The following SUCLG2 variants were observed in gnomAD, a reference collection of about 807,000 sequenced individuals.
SUCLG2 encodes succinate-CoA ligase GDP-forming subunit beta.
In SUCLG2, 42 loss-of-function variants were observed where a neutral mutation model predicts 47.9. The ratio of observed to expected loss-of-function variants is 0.88; its 90% CI spans 0.69 to 1.14. SUCLG2 has a LOEUF of 1.14. Among genes scored for constraint, SUCLG2 ranks in the 50% most tolerant of loss-of-function variants. The probability of loss-of-function intolerance (pLI) is 0.00; values close to 1 mark genes in which losing one functional copy is unlikely to be tolerated. For synonymous variants in SUCLG2, 195 were observed against 197.3 expected (o/e 0.99, Z 0.10); for missense variants, 571 against 525.9 (o/e 1.09, Z -0.84).
At chr3:67,391,838 G>A (rs978313980) in intron 10 of SUCLG2, among the ~76,000 whole-genome samples, 1 of 152,112 alleles carries the variant, frequency 6.6e-6, no homozygotes, top group Non-Finnish European at 1.5e-5. Context: ...TCTCTCCGCT[G>A]CTCGTTTCCA....
intron 7 of SUCLG2, among the ~76,000 whole-genome samples, chr3:67,507,744 ACAT>A (rs1229499796): frequency 6.6e-6 from 1 of 152,224 alleles, no homozygotes; most frequent in Non-Finnish European, 1.5e-5. Context: ...ATGTGTTTAC[ACAT>A]AATGATTCAC....
chr3:67,586,213 C>G (rs1472609656), intron 2 of SUCLG2, among the ~76,000 whole-genome samples: 1 of 152,122 alleles, frequency 6.6e-6, no homozygotes, highest in Non-Finnish European at 1.5e-5. Context: ...TCAATGATTT[C>G]CGCAGAGATC....
At position 67,375,796 on chromosome 3, in the gene SUCLG2, A is replaced by G; in HGVS notation, c.1247T>C (p.Ile416Thr). 2 of 1,613,968 alleles carry G rather than the reference A, an allele frequency of 1.2e-6. No homozygotes were observed. Among genetic ancestry groups the G allele is most frequent in the Non-Finnish European group, 1.7e-6 (2 of 1,179,920 alleles). Residue 416 changes from isoleucine (I) to threonine (T), a missense_variant, in exon 11 of 11, where the codon ATT (isoleucine) becomes ACT (threonine). Physicochemically the swap from Ile to Thr is moderately conservative, Grantham distance 89. Coordinates refer to ENST00000307227, the MANE Select transcript of SUCLG2 (RefSeq NM_003848.4). ...NNSGLPITSA[I>T]DLEDAAKKAV... ...CTTCTTGGCTGCATCCTCCAGGTCAATGGCTGAAGTAATGGGGAGTCCGCT... is the reference window on the plus strand; with the variant it reads ...CTTCTTGGCTGCATCCTCCAGGTCAGTGGCTGAAGTAATGGGGAGTCCGCT...
intron 10 of SUCLG2, among the ~76,000 whole-genome samples, chr3:67,380,946 G>A (rs370180527): frequency 5.0e-4 from 76 of 152,202 alleles, no homozygotes; most frequent in African/African-American, 1.6e-3. Flanking sequence ...TGCCCTTGTC[G>A]TTAACTACCA....
intron 4 of SUCLG2, among the ~76,000 whole-genome samples, chr3:67,524,921 T>G (rs1327243140): frequency 6.6e-6 from 1 of 152,046 alleles, no homozygotes; most frequent in Non-Finnish European, 1.5e-5. Flanking sequence ...CAAATAAATC[T>G]CCAGGCTCAC....
Position 67,520,592 on chromosome 3 carries a change from G to C in SUCLG2, c.460C>G (p.Leu154Val). ...EALDISRETY[L>V]AILMDRSCNG... ...CAGGACCGGTCCATCAGAATTGCCA[G>C]GTAGGTTTCTCTGGAAATATCCAAG... Residue 154 changes from leucine to valine, a missense_variant, in exon 5 of 11, where the codon CTG becomes GTG. Leu to Val is a conservative substitution (Grantham distance 32). Coordinates refer to ENST00000307227, the MANE Select transcript of SUCLG2 (RefSeq NM_003848.4). 5 of 1,613,696 alleles carry C rather than the reference G, an allele frequency of 3.1e-6. No individual in the cohort carries two copies. Among genetic ancestry groups the C allele is most frequent in the Non-Finnish European group, 4.2e-6 (5 of 1,179,834 alleles).
intron 1 of SUCLG2, among the ~76,000 whole-genome samples, chr3:67,616,422 A>G (rs768803821): frequency 1.3e-4 from 20 of 152,212 alleles, no homozygotes; most frequent in Non-Finnish European, 2.6e-4. Flanking sequence ...AATAATGTGT[A>G]TCTTCTAAGG....
At chr3:67,613,705 A>G (rs530964572) in intron 1 of SUCLG2, among the ~76,000 whole-genome samples, 8 of 152,318 alleles carry the variant, frequency 5.3e-5, no homozygotes, top group Admixed American at 2.0e-4. Flanking sequence ...TTTTTGCCCA[A>G]TTGGCTTTAC....
intron 9 of SUCLG2, among the ~76,000 whole-genome samples, chr3:67,482,883 T>C (rs1228920884): frequency 6.6e-6 from 1 of 152,216 alleles, no homozygotes; most frequent in Non-Finnish European, 1.5e-5. Context: ...CTTTCAGTAT[T>C]AGAGCAGACA....
At chr3:67,396,311 T>C (rs1228309633) in intron 10 of SUCLG2, among the ~76,000 whole-genome samples, 6 of 151,842 alleles carry the variant, frequency 4.0e-5, no homozygotes, top group Admixed American at 6.6e-5. Context: ...AGGAATCAAA[T>C]AGACGCAATA....
intron 10 of SUCLG2, among the ~76,000 whole-genome samples, chr3:67,399,627 T>TA (rs1702638779): frequency 6.6e-6 from 1 of 152,148 alleles, no homozygotes; most frequent in Non-Finnish European, 1.5e-5. Context: ...TGATTTTTTT[T>TA]ATATTGTACA....
At chr3:67,512,164 T>C (rs1705810391) in intron 6 of SUCLG2, among the ~76,000 whole-genome samples, 1 of 151,242 alleles carries the variant, frequency 6.6e-6, no homozygotes, top group African/African-American at 2.5e-5. Flanking sequence ...CACATGGAAA[T>C]TTCACAATAA....
intron 9 of SUCLG2, among the ~76,000 whole-genome samples, chr3:67,423,481 T>C (rs988792194): frequency 6.6e-6 from 1 of 152,184 alleles, no homozygotes; most frequent in Non-Finnish European, 1.5e-5. Flanking sequence ...TAACCTGATA[T>C]GAGTACTCAA....
chr3:67,441,478 C>G (rs1054844455), intron 9 of SUCLG2, among the ~76,000 whole-genome samples: 1 of 152,058 alleles, frequency 6.6e-6, no homozygotes, highest in Non-Finnish European at 1.5e-5. Context: ...AATATGTCTG[C>G]GTGTGAGCTT....
chr3:67,364,444 G>A (rs952915688), intron 10 of SUCLG2, among the ~76,000 whole-genome samples: 1 of 150,980 alleles, frequency 6.6e-6, no homozygotes. Flanking sequence ...CCACCCCCAA[G>A]TAAAGAGGCC....
At chr3:67,389,443 T>C (rs1575663153) in intron 10 of SUCLG2, among the ~76,000 whole-genome samples, 1 of 152,156 alleles carries the variant, frequency 6.6e-6, no homozygotes, top group East Asian at 1.9e-4. Flanking sequence ...CATGCAGAAC[T>C]GTGGTTTTCA....
intron 9 of SUCLG2, among the ~76,000 whole-genome samples, chr3:67,416,370 C>T (rs896397280): frequency 6.6e-6 from 1 of 152,168 alleles, no homozygotes; most frequent in African/African-American, 2.4e-5. Context: ...CTTTGCCATA[C>T]TGAAATATAC....
At chr3:67,422,083 C>T (rs541886662) in intron 9 of SUCLG2, among the ~76,000 whole-genome samples, 1 of 152,262 alleles carries the variant, frequency 6.6e-6, no homozygotes, top group Admixed American at 6.5e-5. Flanking sequence ...GCTGTCAGCC[C>T]TACCTGAGTC....
intron 7 of SUCLG2, among the ~76,000 whole-genome samples, chr3:67,499,117 CA>C (rs1481358291): frequency 4.6e-5 from 7 of 152,308 alleles, no homozygotes; most frequent in Admixed American, 2.0e-4. Context: ...TTTTGATATA[CA>C]TATAACACAG....
Sources: gnomAD v4.1 joint callset for allele counts (sites outside exome capture counted in the v4.1 genomes callset) on GRCh38, gnomAD v4.1.1 for gene constraint, MANE v1.5 for transcripts, NCBI Gene and HGNC (gene_info 2026-07-23, HGNC 2026-07-21) for gene names.